The following NRXN1 variants were observed in gnomAD, a reference collection of about 807,000 sequenced individuals.
The protein encoded by NRXN1 is neurexin-1.
A neutral mutation model predicts 150.9 loss-of-function variants in NRXN1; 39 were observed. The observed-to-expected ratio is 0.26, with a 90% CI of 0.20 to 0.34. NRXN1 has a LOEUF of 0.34. NRXN1 is among the 10% of genes least tolerant of loss of function. The pLI, the probability that NRXN1 is intolerant of heterozygous loss-of-function variation, is 1.00. For missense variants in NRXN1, 1,815 were observed against 1,949.9 expected (o/e 0.93, Z 1.30); for synonymous variants, 924 against 757.0 (o/e 1.22, Z -3.62).
chr2:50,490,345 C>A (rs902822331), intron 15 of NRXN1, among the ~76,000 whole-genome samples: 1 of 152,156 alleles, frequency 6.6e-6, no homozygotes, highest in African/African-American at 2.4e-5. Flanking sequence ...AATTACCCTG[C>A]TCTTTTGTCA....
At chr2:49,943,622 AAT>A (rs1463135352) in intron 22 of NRXN1, 80 bp downstream of exon 22, 2 of 880,844 alleles carry the variant, frequency 2.3e-6, no homozygotes, top group Non-Finnish European at 3.8e-6. Context: ...TCTATACATG[AAT>A]ATAAGGCCCT....
chr2:50,221,773 A>G lies in NRXN1; in HGVS notation c.3546+15016T>C, dbSNP rs114397066. The stretch of plus-strand genomic sequence containing the variant: ...TCGATTTAATATTGGCTATTAGCAA[A>G]TGCCACAGAACATATGAGTTACTCC... On this transcript the variant is annotated intron_variant, in intron 18 of 22. Transcript: ENST00000401669. 8.2e-3 allele frequency among the ~76,000 whole-genome samples: 1,248 copies of G among 152,084 alleles called. 20 individuals carry two copies. Among genetic ancestry groups the G allele is most frequent in the African/African-American group, 0.029 (1,206 of 41,494 alleles).
chr2:50,844,719 G>A (rs978267603), intron 5 of NRXN1, among the ~76,000 whole-genome samples: 4 of 152,074 alleles, frequency 2.6e-5, no homozygotes, highest in African/African-American at 4.8e-5. Context: ...TCGAATAGTC[G>A]GTTCGTCATT....
At chr2:50,365,683 C>T (rs564301713) in intron 17 of NRXN1, among the ~76,000 whole-genome samples, 118 of 152,106 alleles carry the variant, frequency 7.8e-4, no homozygotes, top group Non-Finnish European at 1.5e-3. Context: ...AGGTGATTAG[C>T]TGACAAAGTT....
chr2:49,930,933 C>G (rs543552883), intron 22 of NRXN1, among the ~76,000 whole-genome samples: 1 of 152,170 alleles, frequency 6.6e-6, no homozygotes, highest in Non-Finnish European at 1.5e-5. Context: ...TGTTCAAGAC[C>G]AGCCTGGGAA....
chr2:50,635,136 C>T (rs968475004), intron 5 of NRXN1, among the ~76,000 whole-genome samples: 4 of 151,802 alleles, frequency 2.6e-5, no homozygotes, highest in Non-Finnish European at 1.5e-5. Flanking sequence ...CTGGCTGCAC[C>T]GAATGTTGCT....
intron 17 of NRXN1, among the ~76,000 whole-genome samples, chr2:50,424,302 A>G (rs1241709090): frequency 3.7e-5 from 3 of 80,286 alleles, no homozygotes; most frequent in Admixed American, 1.9e-4. Flanking sequence ...AAGAAGGAGG[A>G]GGAGGAGGGG....
chr2:50,095,705 C>T (rs1384555776), intron 18 of NRXN1, among the ~76,000 whole-genome samples: 1 of 150,906 alleles, frequency 6.6e-6, no homozygotes, highest in African/African-American at 2.4e-5. Context: ...TTTTTTGCAA[C>T]ACAATAAAAT....
At chr2:50,703,145 A>G (rs976962234) in intron 5 of NRXN1, among the ~76,000 whole-genome samples, 18 of 152,124 alleles carry the variant, frequency 1.2e-4, no homozygotes, top group African/African-American at 4.1e-4. Flanking sequence ...TGCTAAGCAA[A>G]ATGATAGAAG....
At chr2:50,280,381 G>A (rs2071268674) in intron 17 of NRXN1, among the ~76,000 whole-genome samples, 1 of 151,890 alleles carries the variant, frequency 6.6e-6, no homozygotes. Flanking sequence ...TAAATAAATG[G>A]GATTTCAAGT....
At chr2:50,436,835 C>T (rs1460421695) in intron 17 of NRXN1, among the ~76,000 whole-genome samples, 4 of 151,902 alleles carry the variant, frequency 2.6e-5, no homozygotes, top group African/African-American at 9.7e-5. Context: ...CTTGCAATAC[C>T]CTTTGTGATG....
Position 50,011,180 on chromosome 2 carries a change from A to G in NRXN1, c.4128+42091T>C, listed in dbSNP as rs747276297. On this transcript the variant is annotated intron_variant, in intron 21 of 22. Coordinates refer to ENST00000401669, the MANE Select transcript of NRXN1 (RefSeq NM_001330078.2). ...AGTTCTTGATGATCCCTTGTCATGA[A>G]TGGAACTTAGGTAGCTATTGTCACA... Among the ~76,000 whole-genome samples, 4 of 152,268 alleles carry G rather than the reference A, an allele frequency of 2.6e-5. No homozygotes were observed. The East Asian group carries it at 5.8e-4, about 22-fold the overall frequency.
chr2:50,416,824 C>T (rs1164948190), intron 17 of NRXN1, among the ~76,000 whole-genome samples: 3 of 152,128 alleles, frequency 2.0e-5, no homozygotes, highest in Non-Finnish European at 4.4e-5. Context: ...TACCTCCCAC[C>T]AGGTCCCTTC....
intron 18 of NRXN1, among the ~76,000 whole-genome samples, chr2:50,197,869 A>G (rs2152830054): frequency 6.6e-6 from 1 of 152,284 alleles, no homozygotes; most frequent in Middle Eastern, 3.4e-3. Context: ...ATATTTTTTA[A>G]AGGCCTTATT....
At chr2:50,767,496 C>T (rs1329741230) in intron 5 of NRXN1, among the ~76,000 whole-genome samples, 4 of 151,962 alleles carry the variant, frequency 2.6e-5, no homozygotes, top group African/African-American at 9.7e-5. Context: ...GTGAAAGGAA[C>T]TTGTATCAGA....
chr2:49,952,780 TACTA>T (rs1326505699), intron 21 of NRXN1, among the ~76,000 whole-genome samples: 1 of 152,150 alleles, frequency 6.6e-6, no homozygotes, highest in Non-Finnish European at 1.5e-5. Flanking sequence ...GTCTCTCTCT[TACTA>T]ACTACTGTCT....
At chr2:50,646,246 G>A (rs1019414720) in intron 5 of NRXN1, among the ~76,000 whole-genome samples, 9 of 151,888 alleles carry the variant, frequency 5.9e-5, no homozygotes, top group African/African-American at 1.9e-4. Context: ...ACAAAAGGCC[G>A]CTATTCTGGT....
chr2:50,204,258 T>C (rs890919264), intron 18 of NRXN1, among the ~76,000 whole-genome samples: 6 of 152,076 alleles, frequency 3.9e-5, no homozygotes, highest in Admixed American at 2.6e-4. Flanking sequence ...TGAGTGATGG[T>C]ACTGCCCATG....
intron 17 of NRXN1, among the ~76,000 whole-genome samples, chr2:50,324,633 C>T (rs555709215): frequency 6.6e-6 from 1 of 152,214 alleles, no homozygotes; most frequent in Non-Finnish European, 1.5e-5. Context: ...GCTCCGCCTC[C>T]CGGGTTCACG....
Sources: gnomAD v4.1 joint callset for allele counts (sites outside exome capture counted in the v4.1 genomes callset) on GRCh38, gnomAD v4.1.1 for gene constraint, MANE v1.5 for transcripts, NCBI Gene and HGNC (gene_info 2026-07-23, HGNC 2026-07-21) for gene names.